Variants in SEMA3E observed in about 807,000 individuals in gnomAD.
SEMA3E encodes semaphorin-3E.
A neutral mutation model predicts 93.6 loss-of-function variants in SEMA3E; 49 were observed. The ratio of observed to expected loss-of-function variants is 0.52; its 90% CI spans 0.42 to 0.66. The LOEUF is 0.66. SEMA3E is among the 30% of genes least tolerant of loss of function. SEMA3E has a pLI of 0.00. For missense variants in SEMA3E, 906 were observed against 964.8 expected (o/e 0.94, Z 0.81); for synonymous variants, 363 against 330.7 (o/e 1.10, Z -1.06).
At chr7:83,442,921 C>T (rs1357311781) in intron 4 of SEMA3E, among the ~76,000 whole-genome samples, 1 of 152,152 alleles carries the variant, frequency 6.6e-6, no homozygotes, top group Non-Finnish European at 1.5e-5. Context: ...ATTTCCAGTA[C>T]ATTGTAGCAA....
At chr7:83,433,906 C>A (rs548423151) in intron 4 of SEMA3E, among the ~76,000 whole-genome samples, 18 of 152,190 alleles carry the variant, frequency 1.2e-4, no homozygotes, top group Middle Eastern at 6.8e-3. Flanking sequence ...TGATCCCAAT[C>A]AAACCTCATT....
intron 1 of SEMA3E, among the ~76,000 whole-genome samples, chr7:83,635,786 T>C (rs979536226): frequency 2.0e-5 from 3 of 151,928 alleles, no homozygotes; most frequent in Middle Eastern, 3.4e-3. Flanking sequence ...CTTTTCCTTC[T>C]CACTATGTTA....
chr7:83,604,425 C>CTATA (rs1297943469), intron 1 of SEMA3E, among the ~76,000 whole-genome samples: 2 of 144,132 alleles, frequency 1.4e-5, no homozygotes, highest in Non-Finnish European at 3.1e-5. Context: ...GGTTTTCTCT[C>CTATA]TCTATATATA....
intron 1 of SEMA3E, among the ~76,000 whole-genome samples, chr7:83,619,625 G>GA (rs1008087403): frequency 6.6e-6 from 1 of 151,688 alleles, no homozygotes; most frequent in East Asian, 1.9e-4. Context: ...GTCTTAAAAG[G>GA]AAAAAAATGA....
intron 4 of SEMA3E, among the ~76,000 whole-genome samples, chr7:83,461,387 C>A (rs1789613378): frequency 6.6e-6 from 1 of 152,092 alleles, no homozygotes; most frequent in African/African-American, 2.4e-5. Flanking sequence ...CTACCTCAGC[C>A]TCTGCTCCTC....
chr7:83,593,805 C>T (rs73380768), intron 1 of SEMA3E, among the ~76,000 whole-genome samples: 4,256 of 152,064 alleles, frequency 0.028, 204 homozygotes, highest in African/African-American at 0.097. Context: ...TGTATCCAAT[C>T]GGCCCTCAGT....
chr7:83,405,610 A>G, intron 8 of SEMA3E, 91 bp from the exon 9 acceptor site: 4 of 1,058,972 alleles, frequency 3.8e-6, no homozygotes, highest in Non-Finnish European at 5.8e-6. Flanking sequence ...TTTAGAACTC[A>G]TTATAGATTT....
intron 1 of SEMA3E, among the ~76,000 whole-genome samples, chr7:83,563,580 C>T (rs1792080471): frequency 6.6e-6 from 1 of 152,114 alleles, no homozygotes; most frequent in South Asian, 2.1e-4. Flanking sequence ...TGGAGTGGGG[C>T]CCAGCATGCT....
At chr7:83,577,504 A>C (rs988034283) in intron 1 of SEMA3E, among the ~76,000 whole-genome samples, 15 of 152,200 alleles carry the variant, frequency 9.9e-5, no homozygotes, top group African/African-American at 3.6e-4. Context: ...CCATTTCATC[A>C]ATAGTGCATT....
intron 1 of SEMA3E, among the ~76,000 whole-genome samples, chr7:83,493,410 T>C (rs1454175775): frequency 6.6e-6 from 1 of 151,928 alleles, no homozygotes; most frequent in Non-Finnish European, 1.5e-5. Flanking sequence ...TTCATTCATA[T>C]TGCCTCAGAG....
chr7:83,508,908 A>T (rs1030127080), intron 1 of SEMA3E, among the ~76,000 whole-genome samples: 3 of 152,192 alleles, frequency 2.0e-5, no homozygotes, highest in African/African-American at 7.2e-5. Flanking sequence ...ATACTTTTTG[A>T]TCTGATAATA....
At chr7:83,466,731 G>A (rs1789768422) in intron 3 of SEMA3E, 130 bp from the exon 4 acceptor site, 2 of 1,108,412 alleles carry the variant, frequency 1.8e-6, no homozygotes, top group Non-Finnish European at 2.7e-6. Flanking sequence ...AAGGAGGCAA[G>A]AGGGGTAGAA....
intron 4 of SEMA3E, among the ~76,000 whole-genome samples, chr7:83,442,743 T>C (rs895232539): frequency 6.6e-6 from 1 of 152,164 alleles, no homozygotes; most frequent in African/African-American, 2.4e-5. Context: ...TTACGTGTTT[T>C]CACTCAGTCC....
chr7:83,392,795 A>C, intron 13 of SEMA3E, 74 bp from the exon 14 acceptor site: 1 of 1,348,698 alleles, frequency 7.4e-7, no homozygotes, highest in Non-Finnish European at 1.1e-6. Context: ...TAGTTTTCAC[A>C]TTTATACACA....
chr7:83,458,736 T>C (rs1381636544), intron 4 of SEMA3E, among the ~76,000 whole-genome samples: 1 of 151,804 alleles, frequency 6.6e-6, no homozygotes, highest in African/African-American at 2.4e-5. Flanking sequence ...AATTTGAATA[T>C]AAATCAATAG....
intron 1 of SEMA3E, among the ~76,000 whole-genome samples, chr7:83,621,333 A>G (rs1342792626): frequency 6.6e-6 from 1 of 152,198 alleles, no homozygotes; most frequent in Non-Finnish European, 1.5e-5. Flanking sequence ...CCAGTGCTCA[A>G]TGAAATCAGA....
chr7:83,614,375 C>G (rs1793324364), intron 1 of SEMA3E, among the ~76,000 whole-genome samples: 1 of 152,054 alleles, frequency 6.6e-6, no homozygotes, highest in Non-Finnish European at 1.5e-5. Context: ...AAGGATTTCA[C>G]CACATGTACT....
At chr7:83,412,424 TA>T (rs1257857612) in intron 5 of SEMA3E, among the ~76,000 whole-genome samples, 2 of 152,012 alleles carry the variant, frequency 1.3e-5, no homozygotes, top group African/African-American at 2.4e-5. Flanking sequence ...TTTCAGGGTT[TA>T]AAAAAGGTTA....
At chr7:83,539,922 C>T (rs1791486279) in intron 1 of SEMA3E, among the ~76,000 whole-genome samples, 1 of 126,858 alleles carries the variant, frequency 7.9e-6, no homozygotes, top group Non-Finnish European at 1.6e-5. Flanking sequence ...ACTCAGTTGC[C>T]CAGGTTGGAG....
Sources: gnomAD v4.1 joint callset for allele counts (sites outside exome capture counted in the v4.1 genomes callset) on GRCh38, gnomAD v4.1.1 for gene constraint, MANE v1.5 for transcripts, NCBI Gene and HGNC (gene_info 2026-07-23, HGNC 2026-07-21) for gene names.